The following MAML2 variants were observed in gnomAD, a reference collection of about 807,000 sequenced individuals.
MAML2 encodes the protein mastermind-like protein 2.
In MAML2, 22 loss-of-function variants were observed where a neutral mutation model predicts 96.1. The observed-to-expected ratio is 0.23, with a 90% CI of 0.16 to 0.33. The LOEUF (loss-of-function observed/expected upper bound fraction) is 0.33. Among genes scored for constraint, MAML2 ranks in the 10% least tolerant of loss-of-function variants. The probability of loss-of-function intolerance (pLI) is 1.00; values close to 1 mark genes in which losing one functional copy is unlikely to be tolerated. For synonymous variants in MAML2, 561 were observed against 521.3 expected, an observed-to-expected ratio of 1.08 and a Z score of -1.04; for missense variants, 1,367 against 1,392.4, an observed-to-expected ratio of 0.98 and a Z score of 0.29.
intron 2 of MAML2, among the ~76,000 whole-genome samples, chr11:96,083,616 T>TTCCTAA (rs1859561168): frequency 6.6e-6 from 1 of 152,200 alleles, no homozygotes; most frequent in Non-Finnish European, 1.5e-5. Context: ...CTAGCTCCTG[T>TTCCTAA]TCCTAACTTC....
rs775937478 is a variant in MAML2, at chr11:96,092,236, GC to G, written c.1794del (p.Gln598HisfsTer83). The G allele has an allele frequency of 6.5e-7, 1 of 1,532,714 alleles. No homozygotes were observed. The highest frequency in any genetic ancestry group is 2.5e-5 in the East Asian group (1 of 40,808). The allele number at this position is 1,532,714 out of a possible 1,614,324, so 94.9% of individuals were successfully genotyped here. On this transcript the variant is annotated frameshift_variant, in exon 2 of 5. Transcript: ENST00000524717. LOFTEE classifies it high-confidence loss of function. The surrounding 1 kb of genome is among the most constrained non-coding windows in gnomAD (Gnocchi z 4.1). ...TGCTGCTGCTGCTGCTGCTGCTGCT[GC>G]TGCTGCTGCTGCTGTTGCTGCTGTT... ...QQQQQQQQQQ[Q>X]QQQQQQQQQQ...
At chr11:96,027,880 T>C (rs1858549916) in intron 2 of MAML2, among the ~76,000 whole-genome samples, 1 of 152,028 alleles carries the variant, frequency 6.6e-6, no homozygotes. Context: ...TACAGGTATG[T>C]GTTACTGTGC....
At chr11:96,042,993 G>A (rs938647478) in intron 2 of MAML2, among the ~76,000 whole-genome samples, 2 of 151,942 alleles carry the variant, frequency 1.3e-5, no homozygotes, top group African/African-American at 2.4e-5. Flanking sequence ...TGATCTTCCC[G>A]CCTTAGCCTC....
chr11:96,029,571 G>T (rs1858578291), intron 2 of MAML2, among the ~76,000 whole-genome samples: 1 of 152,098 alleles, frequency 6.6e-6, no homozygotes, highest in Non-Finnish European at 1.5e-5. Flanking sequence ...GTTTTTCATT[G>T]TTGGAACAGG....
chr11:96,232,311 G>T (rs1315718790), intron 1 of MAML2, among the ~76,000 whole-genome samples: 3 of 152,186 alleles, frequency 2.0e-5, no homozygotes, highest in African/African-American at 7.2e-5. Flanking sequence ...AATTAAGTGA[G>T]AAATTGTTTG....
chr11:96,039,960 T>C (rs1858781663), intron 2 of MAML2, among the ~76,000 whole-genome samples: 1 of 95,534 alleles, frequency 1.0e-5, no homozygotes, highest in African/African-American at 5.2e-5. Flanking sequence ...CAGGACTCTG[T>C]CTCAAAAAAA....
At chr11:96,129,521 C>A (rs1309105416) in intron 1 of MAML2, among the ~76,000 whole-genome samples, 1 of 152,178 alleles carries the variant, frequency 6.6e-6, no homozygotes, top group African/African-American at 2.4e-5. Context: ...TTTGAAAATA[C>A]CAACACCTGT....
chr11:96,046,952 G>C (rs1858911573), intron 2 of MAML2, among the ~76,000 whole-genome samples: 1 of 152,198 alleles, frequency 6.6e-6, no homozygotes. Context: ...AAGTTTGTTA[G>C]AATTGACTCT....
intron 1 of MAML2, among the ~76,000 whole-genome samples, chr11:96,329,185 G>GA (rs1042714740): frequency 2.0e-5 from 3 of 151,328 alleles, no homozygotes; most frequent in Middle Eastern, 6.8e-3. Context: ...AGGATCTGGG[G>GA]AAAAAAAATC....
chr11:96,317,190 G>A (rs1223478550), intron 1 of MAML2, among the ~76,000 whole-genome samples: 2 of 152,162 alleles, frequency 1.3e-5, no homozygotes, highest in Non-Finnish European at 1.5e-5. Context: ...AGCTTCCACA[G>A]AAGGAAAGAT....
At position 96,341,392 on chromosome 11, in the gene MAML2, G is replaced by A. The variant is rs930226525; in HGVS notation, c.504C>T (p.Ala168=). The part of the protein sequence containing the change: ...ASTPGDQRNS[A]LIALQGSLKR... ...AAAGCCAGGTGCTTACCGCAATCAGGGCTGAGTTCCTCTGGTCCCCTGGGG... is the reference window on the plus strand; with the variant it reads ...AAAGCCAGGTGCTTACCGCAATCAGAGCTGAGTTCCTCTGGTCCCCTGGGG... The change falls in exon 1 of 5, where the codon GCC becomes GCT. Residue 168 remains alanine (A), a synonymous_variant. Coordinates refer to ENST00000524717, the MANE Select transcript of MAML2 (RefSeq NM_032427.4). 27 of 1,527,586 alleles carry A rather than the reference G, an allele frequency of 1.8e-5. No homozygotes were observed. Among genetic ancestry groups the A allele is most frequent in the African/African-American group, 4.1e-5 (3 of 72,750 alleles). The allele number at this position is 1,527,586 out of a possible 1,614,324, so 94.6% of individuals were successfully genotyped here.
At chr11:96,016,418 T>TCAGATTAC (rs1858353587) in intron 2 of MAML2, among the ~76,000 whole-genome samples, 1 of 152,126 alleles carries the variant, frequency 6.6e-6, no homozygotes, top group Admixed American at 6.5e-5. Context: ...CTGGTGGTGA[T>TCAGATTAC]CAGATTACCA....
chr11:96,288,903 A>G (rs1274025429), intron 1 of MAML2, among the ~76,000 whole-genome samples: 1 of 152,240 alleles, frequency 6.6e-6, no homozygotes, highest in African/African-American at 2.4e-5. Context: ...TAATAAGCCA[A>G]GCCAGCACAT....
At chr11:96,143,850 G>A (rs952171960) in intron 1 of MAML2, among the ~76,000 whole-genome samples, 17 of 152,170 alleles carry the variant, frequency 1.1e-4, no homozygotes, top group South Asian at 4.1e-4. Context: ...TCTGTGCCGC[G>A]AACCTTGCTC....
At chr11:96,250,298 C>T (rs143186626) in intron 1 of MAML2, among the ~76,000 whole-genome samples, 4,646 of 151,628 alleles carry the variant, frequency 0.031, 97 homozygotes, top group Non-Finnish European at 0.043. Flanking sequence ...AAAAAATGTA[C>T]ATATTCATGA....
At chr11:96,149,624 C>T (rs1860887274) in intron 1 of MAML2, among the ~76,000 whole-genome samples, 1 of 151,922 alleles carries the variant, frequency 6.6e-6, no homozygotes, top group South Asian at 2.1e-4. Context: ...CCCAGCTACT[C>T]AGGAGGCTGA....
At chr11:96,168,023 T>C (rs1035737224) in intron 1 of MAML2, among the ~76,000 whole-genome samples, 1 of 152,156 alleles carries the variant, frequency 6.6e-6, no homozygotes, top group African/African-American at 2.4e-5. Context: ...AATAACCAAG[T>C]CTTATTCCTC....
At chr11:96,087,255 T>C (rs973887412) in intron 2 of MAML2, among the ~76,000 whole-genome samples, 6 of 152,238 alleles carry the variant, frequency 3.9e-5, no homozygotes, top group Non-Finnish European at 8.8e-5. Flanking sequence ...TTTCCAATTA[T>C]GATTCTTCAA....
chr11:96,002,687 G>GAGGATGA (rs1858102715), intron 2 of MAML2, among the ~76,000 whole-genome samples: 2 of 140,658 alleles, frequency 1.4e-5, no homozygotes, highest in Non-Finnish European at 3.0e-5. Context: ...GATGGGGATG[G>GAGGATGA]TGGGGAGCAT....
Sources: gnomAD v4.1 joint callset for allele counts (sites outside exome capture counted in the v4.1 genomes callset) on GRCh38, gnomAD v4.1.1 for gene constraint, Gnocchi (gnomAD v3.1) non-coding constraint, MANE v1.5 for transcripts, NCBI Gene and HGNC (gene_info 2026-07-23, HGNC 2026-07-21) for gene names.